Variants in ACOT7 observed in about 807,000 individuals in gnomAD.
ACOT7 encodes the protein acyl-CoA thioesterase 7, also known as cytosolic acyl coenzyme A thioester hydrolase.
In ACOT7, 12 loss-of-function variants were observed where a neutral mutation model predicts 40.2. That is an observed-to-expected ratio of 0.30 (90% confidence interval 0.19 to 0.48). The LOEUF is 0.48. Among genes scored for constraint, ACOT7 ranks in the 20% least tolerant of loss-of-function variants. ACOT7 has a pLI of 0.99. For missense variants in ACOT7, 395 were observed against 530.8 expected, an observed-to-expected ratio of 0.74 and a Z score of 2.51; for synonymous variants, 228 against 219.5, an observed-to-expected ratio of 1.04 and a Z score of -0.34.
chr1:6,290,308 A>G (rs1053513584), intron 7 of ACOT7, among the ~76,000 whole-genome samples: 6 of 152,238 alleles, frequency 3.9e-5, no homozygotes, highest in African/African-American at 1.4e-4. Flanking sequence ...ATGTTACAGC[A>G]GCCCCAGGAA....
At chr1:6,376,846 G>A (rs1352277006) in intron 1 of ACOT7, among the ~76,000 whole-genome samples, 1 of 151,890 alleles carries the variant, frequency 6.6e-6, no homozygotes, top group African/African-American at 2.4e-5. Flanking sequence ...CATGGCGACA[G>A]AGTGAGACTC....
At chr1:6,387,188 A>G (rs942602254) in intron 1 of ACOT7, among the ~76,000 whole-genome samples, 3 of 152,074 alleles carry the variant, frequency 2.0e-5, no homozygotes, top group Admixed American at 1.3e-4. Context: ...CAGTAGGGGA[A>G]TTTTGGGAGT....
intron 1 of ACOT7, chr1:6,385,495 T>A: frequency 6.2e-7 from 1 of 1,608,564 alleles, no homozygotes; most frequent in East Asian, 2.2e-5. Flanking sequence ...TCATCCTACC[T>A]TCCAGTAATG....
rs1458980686 is a variant in ACOT7 at position 6,352,120 on chromosome 1, T to C, written c.144-2254A>G. On this transcript the variant is annotated intron_variant, in intron 1 of 8. Coordinates refer to ENST00000361521, the MANE Select transcript of ACOT7 (RefSeq NM_007274.4). This position sits in a 1 kb window ranked among gnomAD's most constrained non-coding sequence, Gnocchi z 4.5. ...ACTGACCACCCAGGAAGCCAGCCCC[T>C]GCCCTCAAGGTCAGACACAACCCTC... 1 of 152,648 alleles carries C rather than the reference T, an allele frequency of 6.6e-6. No individual in the cohort carries two copies. The highest frequency in any genetic ancestry group is 1.5e-5 in the Non-Finnish European group (1 of 68,396). 9.5% of individuals were successfully genotyped at this position (152,648 alleles called of 1,614,324 possible). A position where few individuals can be genotyped will look rare whatever the true frequency, so the allele number is the denominator to read the frequency against.
At chr1:6,337,246 C>A (rs546667957) in intron 3 of ACOT7, among the ~76,000 whole-genome samples, 43 of 152,290 alleles carry the variant, frequency 2.8e-4, no homozygotes, top group African/African-American at 1.0e-3. Context: ...GCTGGGAGGC[C>A]GAGAAGCTCC....
At chr1:6,349,988 TC>T in intron 1 of ACOT7, 122 bp from the exon 2 acceptor site, 1 of 959,604 alleles carries the variant, frequency 1.0e-6, no homozygotes, top group Non-Finnish European at 1.6e-6. Flanking sequence ...AAGAGAACCT[TC>T]CCAATGTTTG....
intron 8 of ACOT7, 75 bp from the exon 9 acceptor site, chr1:6,264,770 G>C: frequency 6.7e-7 from 1 of 1,494,954 alleles, no homozygotes; most frequent in Non-Finnish European, 9.1e-7. Context: ...ACCTGGCCTG[G>C]GGCCCTGCCC....
In ACOT7 at chr1:6,294,135, C is replaced by T. The variant is rs767887082; in HGVS notation, c.829+729G>A. ...AGGCCCTGACGATGCTGACACCACC[C>T]TCGGTCTGTGAGGCAGTGCTGCTGC... On this transcript the variant is annotated intron_variant, in intron 7 of 8. Transcript: ENST00000361521. The surrounding 1 kb of genome is among the most constrained non-coding windows in gnomAD (Gnocchi z 4.6). Among the ~76,000 whole-genome samples the T allele has an allele frequency of 3.0e-4, 45 of 152,244 alleles. No homozygotes were observed. Among genetic ancestry groups the T allele is most frequent in the Non-Finnish European group, 6.0e-4 (41 of 68,040 alleles).
intron 1 of ACOT7, among the ~76,000 whole-genome samples, chr1:6,383,531 T>G (rs1345818209): frequency 7.2e-6 from 1 of 139,076 alleles, no homozygotes; most frequent in African/African-American, 3.2e-5. Context: ...TATGTGTATT[T>G]TAACACAGTT....
At chr1:6,386,020 C>T (rs1180845539) in intron 1 of ACOT7, among the ~76,000 whole-genome samples, 1 of 152,224 alleles carries the variant, frequency 6.6e-6, no homozygotes. Context: ...TTCCCACCTC[C>T]AGGACCTTAA....
chr1:6,278,081 G>T lies in ACOT7; in HGVS notation c.1014+3021C>A, dbSNP rs968017200. On this transcript the variant is annotated intron_variant, in intron 8 of 8. Transcript: ENST00000361521. This position sits in a 1 kb window ranked among gnomAD's most constrained non-coding sequence, Gnocchi z 4.1. ...GACAGTCCACGCAGCGTCTGCAGTGGCGGGGGGTGGTTGGGAGGGGGTCTG... is the reference window on the plus strand; with the variant it reads ...GACAGTCCACGCAGCGTCTGCAGTGTCGGGGGGTGGTTGGGAGGGGGTCTG... Among the ~76,000 whole-genome samples, 2 of 151,996 alleles carry T rather than the reference G, an allele frequency of 1.3e-5. No homozygotes were observed. Among genetic ancestry groups the T allele is most frequent in the Admixed American group, 6.5e-5 (1 of 15,280 alleles).
intron 8 of ACOT7, among the ~76,000 whole-genome samples, chr1:6,266,694 C>T (rs1010476719): frequency 6.6e-5 from 10 of 152,254 alleles, no homozygotes; most frequent in African/African-American, 2.2e-4. Context: ...TGTGGAATTG[C>T]TTGGTGATGT....
chr1:6,316,173 G>A lies in ACOT7; in HGVS notation c.712+2319C>T, dbSNP rs372983294. Among the ~76,000 whole-genome samples, 5 of 152,316 alleles carry A rather than the reference G, an allele frequency of 3.3e-5. No individual in the cohort carries two copies. The East Asian group carries it at 9.7e-4, about 29-fold the overall frequency. ...AATTCCAGGCAGAATGGAGCTGTAT[G>A]AGTCTCAAACACAATACTCGGAAGT... On this transcript the variant is annotated intron_variant, in intron 6 of 8. Transcript: ENST00000361521.
Position 6,282,844 on chromosome 1 carries a change from A to G in ACOT7, c.830-1558T>C. 7.8e-7 allele frequency: 1 copy of G among 1,276,164 alleles called. No homozygotes were observed. The highest frequency in any genetic ancestry group is 1.0e-6 in the Non-Finnish European group (1 of 963,472). 79.1% of individuals were successfully genotyped at this position (1,276,164 alleles called of 1,614,324 possible). A position where few individuals can be genotyped will look rare whatever the true frequency, so the allele number is the denominator to read the frequency against. ...CAAAGCGCCCGCAGTCACAAGACGCACCCCGGGAGGAGGGCAGGCCATGGG... is the reference window on the plus strand; with the variant it reads ...CAAAGCGCCCGCAGTCACAAGACGCGCCCCGGGAGGAGGGCAGGCCATGGG... On this transcript the variant is annotated intron_variant, in intron 7 of 8. Coordinates refer to ENST00000361521, the MANE Select transcript of ACOT7 (RefSeq NM_007274.4). This position sits in a 1 kb window ranked among gnomAD's most constrained non-coding sequence, Gnocchi z 4.5.
chr1:6,364,046 A>G (rs1244065939), intron 1 of ACOT7, among the ~76,000 whole-genome samples: 1 of 152,150 alleles, frequency 6.6e-6, no homozygotes, highest in Non-Finnish European at 1.5e-5. Flanking sequence ...CCTGGATGAC[A>G]GAGCGAGACC....
intron 1 of ACOT7, among the ~76,000 whole-genome samples, chr1:6,374,103 T>C (rs1056748848): frequency 6.6e-6 from 1 of 152,206 alleles, no homozygotes; most frequent in Non-Finnish European, 1.5e-5. Context: ...TCTGGGCAAG[T>C]TTCCTGGAAT....
In ACOT7 at chr1:6,306,327, G is replaced by A. The variant is rs1053366721; in HGVS notation, c.713-11347C>T. On this transcript the variant is annotated intron_variant, in intron 6 of 8. Transcript: ENST00000361521. This position sits in a 1 kb window ranked among gnomAD's most constrained non-coding sequence, Gnocchi z 4.3. ...CCCCATGATTTGAGAGGGATGACGT[G>A]CTGGCCACCAGGGACCCGGCTGAGA... The A allele has an allele frequency of 8.1e-6, 8 of 985,236 alleles. No individual in the cohort carries two copies. The African/African-American group carries it at 1.0e-4, about 13-fold the overall frequency. 61.0% of individuals were successfully genotyped at this position (985,236 alleles called of 1,614,324 possible). A position where few individuals can be genotyped will look rare whatever the true frequency, so the allele number is the denominator to read the frequency against.
intron 1 of ACOT7, among the ~76,000 whole-genome samples, chr1:6,372,581 C>T (rs1014128208): frequency 2.2e-5 from 3 of 136,576 alleles, no homozygotes; most frequent in African/African-American, 9.2e-5. Flanking sequence ...TTGAGAGTCT[C>T]GCTCTGTCGC....
chr1:6,286,932 C>T (rs1485478515), intron 7 of ACOT7, among the ~76,000 whole-genome samples: 1 of 152,184 alleles, frequency 6.6e-6, no homozygotes, highest in Non-Finnish European at 1.5e-5. Flanking sequence ...AGGAATCATA[C>T]CACAAAGTAA....
Sources: gnomAD v4.1 joint callset for allele counts (sites outside exome capture counted in the v4.1 genomes callset) on GRCh38, gnomAD v4.1.1 for gene constraint, Gnocchi (gnomAD v3.1) non-coding constraint, MANE v1.5 for transcripts, NCBI Gene and HGNC (gene_info 2026-07-23, HGNC 2026-07-21) for gene names.